MTMR7: variants seen among roughly 807,000 people sequenced by gnomAD.
MTMR7 encodes phosphatidylinositol-3-phosphate phosphatase MTMR7.
Under a neutral mutation model 81.2 loss-of-function variants are expected in MTMR7, and 76 were observed. The ratio of observed to expected loss-of-function variants is 0.94; its 90% CI spans 0.78 to 1.13. The LOEUF (loss-of-function observed/expected upper bound fraction) is 1.13, where lower values mean the gene tolerates loss of function less well. MTMR7 is among the 50% of genes most tolerant of loss of function. MTMR7 has a pLI of 0.00. For missense variants in MTMR7, 1,044 were observed against 820.0 expected (o/e 1.27, Z -3.34); for synonymous variants, 372 against 289.8 (o/e 1.28, Z -2.88).
intron 3 of MTMR7, among the ~76,000 whole-genome samples, chr8:17,368,490 T>G (rs933353744): frequency 4.6e-5 from 7 of 152,164 alleles, no homozygotes; most frequent in African/African-American, 1.7e-4. Context: ...ACACCCTTAT[T>G]CTCATGCCCT....
intron 6 of MTMR7, among the ~76,000 whole-genome samples, chr8:17,331,750 C>T (rs1282577709): frequency 6.6e-6 from 1 of 152,154 alleles, no homozygotes; most frequent in Non-Finnish European, 1.5e-5. Context: ...GGAATGGTTG[C>T]ATCATTCTAA....
chr8:17,359,056 G>C (rs189861122), intron 4 of MTMR7, among the ~76,000 whole-genome samples: 201 of 152,094 alleles, frequency 1.3e-3, no homozygotes, highest in Non-Finnish European at 2.3e-3. Flanking sequence ...TCCATGTCCA[G>C]CTAATTTTTT....
At chr8:17,392,158 G>GA in intron 1 of MTMR7, among the ~76,000 whole-genome samples, 1 of 151,772 alleles carries the variant, frequency 6.6e-6, no homozygotes, top group East Asian at 1.9e-4. Flanking sequence ...TTCAGAATGG[G>GA]AAAAAAAGCA....
intron 1 of MTMR7, among the ~76,000 whole-genome samples, chr8:17,376,647 T>C (rs1247952162): frequency 6.6e-6 from 1 of 152,168 alleles, no homozygotes; most frequent in East Asian, 1.9e-4. Flanking sequence ...TGCGATCTCA[T>C]TGTGGTTTTG....
chr8:17,413,116 C>G (rs949706524), intron 1 of MTMR7, among the ~76,000 whole-genome samples, 153 bp downstream of exon 1: 6 of 152,184 alleles, frequency 3.9e-5, no homozygotes, highest in African/African-American at 1.4e-4. Flanking sequence ...GCAGGCACCC[C>G]GGGATGCTCA....
intron 6 of MTMR7, among the ~76,000 whole-genome samples, chr8:17,338,151 G>T (rs2239880): frequency 6.6e-6 from 1 of 152,158 alleles, no homozygotes; most frequent in Admixed American, 6.5e-5. Context: ...AAGTGTGCGT[G>T]CATGGATAAA....
At chr8:17,339,462 G>T (rs1330119828) in intron 6 of MTMR7, among the ~76,000 whole-genome samples, 1 of 152,076 alleles carries the variant, frequency 6.6e-6, no homozygotes, top group Non-Finnish European at 1.5e-5. Flanking sequence ...GCAACCATCA[G>T]TTTACTTTCA....
At chr8:17,314,673 A>G (rs1817971054) in intron 7 of MTMR7, among the ~76,000 whole-genome samples, 1 of 152,252 alleles carries the variant, frequency 6.6e-6, no homozygotes, top group Non-Finnish European at 1.5e-5. Flanking sequence ...GTGTTGAAGG[A>G]AATAACACCA....
At chr8:17,318,198 G>C (rs1351247524) in intron 7 of MTMR7, among the ~76,000 whole-genome samples, 1 of 152,084 alleles carries the variant, frequency 6.6e-6, no homozygotes, top group Non-Finnish European at 1.5e-5. Flanking sequence ...TTTGGGATCC[G>C]AACACACCTT....
rs116973478 is a variant in MTMR7 at position 17,325,044 on chromosome 8, T to C, written c.865+6106A>G. Among the ~76,000 whole-genome samples the C allele has an allele frequency of 4.3e-3, 658 of 152,210 alleles. 6 individuals carry two copies. Among genetic ancestry groups the C allele is most frequent in the Middle Eastern group, 0.01 (3 of 294 alleles). On this transcript the variant is annotated intron_variant, in intron 7 of 13. Transcript: ENST00000180173. ...TACAAAGGGCTGAGTCCATCTTCCA[T>C]TTCCTCAAGGTTGAATTAGCCAGCA...
intron 7 of MTMR7, among the ~76,000 whole-genome samples, chr8:17,321,340 G>A (rs1344990095): frequency 1.3e-5 from 2 of 152,206 alleles, no homozygotes; most frequent in East Asian, 1.9e-4. Flanking sequence ...TCTCAGCAAT[G>A]GGACAGGCTG....
chr8:17,402,408 C>T (rs188841786), intron 1 of MTMR7, among the ~76,000 whole-genome samples: 94 of 152,250 alleles, frequency 6.2e-4, no homozygotes, highest in African/African-American at 2.1e-3. Flanking sequence ...TGCCCCAGAC[C>T]CCACTACCTT....
Position 17,309,287 on chromosome 8 carries a change from A to G in MTMR7, c.1141T>C (p.Phe381Leu), listed in dbSNP as rs1258813586. 1 of 1,549,322 alleles carries G rather than the reference A, an allele frequency of 6.5e-7. No homozygotes were observed. Among genetic ancestry groups the G allele is most frequent in the South Asian group, 1.1e-5 (1 of 89,896 alleles). ...TTAAATATTACTTACCGGTGATTAA[A>G]CTTATGACCAAAGGAAATCCAGTCC... is the stretch of plus-strand genomic sequence containing the variant. ...EKDWISFGHK[F>L]NHRYGNLDGD... Residue 381 changes from phenylalanine to leucine, a missense_variant, in exon 10 of 14, where the codon TTT (phenylalanine) becomes CTT (leucine). Coordinates refer to ENST00000180173, the MANE Select transcript of MTMR7 (RefSeq NM_004686.5).
rs1052274632 is a variant in MTMR7, at chr8:17,365,928, G to C, written c.311-4654C>G. 4.5e-4 allele frequency among the ~76,000 whole-genome samples: 69 copies of C among 152,148 alleles called. 1 individual carries two copies. The highest frequency in any genetic ancestry group is 1.5e-3 in the African/African-American group (63 of 41,436). Reference sequence around the variant, plus strand: ...ATCAGTGTTTCAGTTGAAAGCATGAGCTCAACCCAAACACAGAGATCCATG... The same window carrying C: ...ATCAGTGTTTCAGTTGAAAGCATGACCTCAACCCAAACACAGAGATCCATG... On this transcript the variant is annotated intron_variant, in intron 3 of 13. Transcript: ENST00000180173.
chr8:17,349,303 C>A (rs1314731146), intron 4 of MTMR7: 6 of 470,270 alleles, frequency 1.3e-5, no homozygotes, highest in Non-Finnish European at 2.3e-5. Flanking sequence ...CCTTAGTGTT[C>A]TGTCCCCGTG....
intron 1 of MTMR7, among the ~76,000 whole-genome samples, chr8:17,401,712 T>G (rs986639418): frequency 2.6e-5 from 4 of 151,266 alleles, no homozygotes; most frequent in Admixed American, 2.0e-4. Flanking sequence ...AAAAGAGGAG[T>G]GAAGGGTAAC....
In MTMR7 at chr8:17,341,402, T is replaced by C. The variant is rs905780584; in HGVS notation, c.693A>G (p.Pro231=). 2 of 1,614,194 alleles carry C rather than the reference T, an allele frequency of 1.2e-6. No individual in the cohort carries two copies. The highest frequency in any genetic ancestry group is 1.7e-6 in the Non-Finnish European group (2 of 1,180,034). ...CAACGACATAAACGAAGTCACTTCC[T>C]GGATTGGCTTTCCTAATGGCCTGGA... ...QMLQAIRKAN[P]GSDFVYVVDT... is the part of the protein sequence containing the mutation. Residue 231 remains proline, a synonymous_variant, in exon 6 of 14, where the codon CCA becomes CCG. Transcript: ENST00000180173.
intron 4 of MTMR7, among the ~76,000 whole-genome samples, chr8:17,353,635 A>C (rs1819799637): frequency 6.6e-6 from 1 of 152,194 alleles, no homozygotes; most frequent in African/African-American, 2.4e-5. Context: ...AAACCACCTG[A>C]CAAAATTCAG....
chr8:17,337,603 A>G (rs2239876), intron 6 of MTMR7, among the ~76,000 whole-genome samples: 43,554 of 151,934 alleles, frequency 0.29, 9,150 homozygotes, highest in African/African-American at 0.59. Flanking sequence ...GACTTCATTG[A>G]CTTTGTCTCC....
Sources: gnomAD v4.1 joint callset for allele counts (sites outside exome capture counted in the v4.1 genomes callset) on GRCh38, gnomAD v4.1.1 for gene constraint, MANE v1.5 for transcripts, NCBI Gene and HGNC (gene_info 2026-07-23, HGNC 2026-07-21) for gene names.